SLC16A5: variants seen among roughly 807,000 people sequenced by gnomAD.
SLC16A5 encodes solute carrier family 16 member 5, also known as monocarboxylate transporter 6.
In SLC16A5, 29 loss-of-function variants were observed where a neutral mutation model predicts 33.2. That is an observed-to-expected ratio of 0.87 (90% CI 0.65 to 1.19). The LOEUF (loss-of-function observed/expected upper bound fraction) is 1.19, where lower values mean the gene tolerates loss of function less well. Ranked by LOEUF, SLC16A5 falls within the 50% of genes most tolerant of loss-of-function variation. The probability of loss-of-function intolerance (pLI) is 0.00; values close to 1 mark genes in which losing one functional copy is unlikely to be tolerated. For missense variants in SLC16A5, 606 were observed against 678.2 expected, an observed-to-expected ratio of 0.89 and a Z score of 1.18; for synonymous variants, 248 against 284.1, an observed-to-expected ratio of 0.87 and a Z score of 1.28.
intron 2 of SLC16A5, among the ~76,000 whole-genome samples, chr17:75,092,077 G>A (rs927514709): frequency 2.0e-5 from 3 of 151,702 alleles, no homozygotes; most frequent in Non-Finnish European, 4.4e-5. Context: ...GTGCATGTCT[G>A]CACTGTGTGT....
At chr17:75,108,961 T>C (rs1175531971), downstream of SLC16A5, among the ~76,000 whole-genome samples, 1 of 152,102 alleles carries the variant, frequency 6.6e-6, no homozygotes, top group Non-Finnish European at 1.5e-5. Context: ...GGTTTTTTTG[T>C]TCTGTTTTTT....
chr17:75,104,911 A>G, intron 6 of SLC16A5: 1 of 985,424 alleles, frequency 1.0e-6, no homozygotes, highest in Non-Finnish European at 1.2e-6. Flanking sequence ...CTGCTCCTAC[A>G]GCTCAATGCA....
intron 2 of SLC16A5, among the ~76,000 whole-genome samples, chr17:75,091,722 G>A (rs574393208): frequency 1.3e-5 from 2 of 152,370 alleles, no homozygotes; most frequent in South Asian, 2.1e-4. Flanking sequence ...AGGACCTGGG[G>A]TGAAAGGGAG....
chr17:75,095,690 C>T (rs1229368965), intron 3 of SLC16A5, among the ~76,000 whole-genome samples: 1 of 151,036 alleles, frequency 6.6e-6, no homozygotes, highest in East Asian at 1.9e-4. Flanking sequence ...GATGGAGTCT[C>T]GCTCTGTTGC....
At chr17:75,108,498 C>T (rs182736788), downstream of SLC16A5, among the ~76,000 whole-genome samples, 527 of 152,310 alleles carry the variant, frequency 3.5e-3, 1 homozygote, top group Middle Eastern at 0.017. Context: ...AATGGGGCTG[C>T]AGCTGGCTGG....
Position 75,087,970 on chromosome 17 carries a change from T to G in SLC16A5, c.-277T>G, listed in dbSNP as rs917790638. The G allele has an allele frequency of 6.6e-6, 1 of 152,086 alleles. No homozygotes were observed. 9.4% of individuals were successfully genotyped at this position (152,086 alleles called of 1,614,324 possible). A position where few individuals can be genotyped will look rare whatever the true frequency, so the allele number is the denominator to read the frequency against. On this transcript the variant is annotated 5_prime_UTR_variant, in exon 1 of 7. Coordinates refer to ENST00000329783, the MANE Select transcript of SLC16A5 (RefSeq NM_004695.4). Reference sequence around the variant, plus strand: ...GCTTGGCCCAGTCCCGCGGTCCTCGTCGCGACCGGCCCGGGCCGCAGGACG... The same window carrying G: ...GCTTGGCCCAGTCCCGCGGTCCTCGGCGCGACCGGCCCGGGCCGCAGGACG...
downstream of SLC16A5, among the ~76,000 whole-genome samples, chr17:75,107,089 T>C (rs1259443993): frequency 6.7e-6 from 1 of 150,044 alleles, no homozygotes; most frequent in Non-Finnish European, 1.5e-5. Context: ...GATGGGAGAA[T>C]CACTTGAGAG....
At chr17:75,104,419 T>C (rs1184964306) in intron 6 of SLC16A5, 5 of 982,898 alleles carry the variant, frequency 5.1e-6, no homozygotes, top group Non-Finnish European at 6.4e-6. Context: ...GAAACTCTTT[T>C]TTTTTTTTTT....
Position 75,093,574 on chromosome 17 carries a change from C to G in SLC16A5, c.-48-15C>G. 1 of 1,561,968 alleles carries G rather than the reference C, an allele frequency of 6.4e-7. No homozygotes were observed. Among genetic ancestry groups the G allele is most frequent in the Non-Finnish European group, 8.6e-7 (1 of 1,159,310 alleles). ...AGCCTGCTGACCACCAGGCTCCATT[C>G]TGTCCCCTCCCCAGGCAGCAGCCAC... On this transcript the variant is annotated splice_polypyrimidine_tract_variant and intron_variant, in intron 2 of 6. Transcript: ENST00000329783.
At chr17:75,098,692 T>TTTTGTTTG (rs56053066) in intron 4 of SLC16A5, among the ~76,000 whole-genome samples, 6 of 151,408 alleles carry the variant, frequency 4.0e-5, no homozygotes, top group Non-Finnish European at 5.9e-5. Flanking sequence ...GACAGGCTTT[T>TTTTGTTTG]TTTGTTTGTT....
intron 5 of SLC16A5, among the ~76,000 whole-genome samples, chr17:75,101,045 G>A (rs2073792217): frequency 6.6e-6 from 1 of 151,908 alleles, no homozygotes. Flanking sequence ...TCAGGAGATC[G>A]AGACCATCCT....
In SLC16A5 at chr17:75,104,032, A is replaced by T; in HGVS notation, c.1216A>T (p.Ile406Phe). The T allele has an allele frequency of 2.5e-6, 4 of 1,614,174 alleles. No homozygotes were observed. The highest frequency in any genetic ancestry group is 2.5e-6 in the Non-Finnish European group (3 of 1,180,034). Residue 406 changes from isoleucine (I) to phenylalanine (F), a missense_variant, in exon 6 of 7, where the codon ATC becomes TTC. Physicochemically the swap from Ile to Phe is conservative, Grantham distance 21 (BLOSUM62 0). Transcript: ENST00000329783. ...YVFYMSSFFL[I>F]SAALFMGGSF... The stretch of plus-strand genomic sequence containing the variant: ...TTTCTACATGTCCAGCTTCTTCCTC[A>T]TCTCAGCTGCCCTCTTCATGGGTGG...
chr17:75,109,960 CG>C, downstream of SLC16A5: 1 of 282,480 alleles, frequency 3.5e-6, no homozygotes, highest in African/African-American at 2.2e-5. This position sits in a 1 kb window ranked among gnomAD's most constrained non-coding sequence, Gnocchi z 5.0. Flanking sequence ...CGGCTTCCGC[CG>C]GGAGCCCGGA....
At chr17:75,090,553 C>T (rs529841657) in intron 2 of SLC16A5, among the ~76,000 whole-genome samples, 4 of 151,300 alleles carry the variant, frequency 2.6e-5, no homozygotes, top group Admixed American at 6.6e-5. Flanking sequence ...CTCCGCCTCC[C>T]GGGTTCAAGC....
rs774517667 is a variant in SLC16A5, at chr17:75,098,011, C to G, written c.200-27C>G. 1.9e-6 allele frequency: 3 copies of G among 1,570,242 alleles called. No homozygotes were observed. The African/African-American group carries it at 4.2e-5, about 22-fold the overall frequency. Reference sequence around the variant, plus strand: ...CTCCCGCCACCTCCTCATTCAGCTGCTACCTGCTGGCTGTCTTCTCCCACA... The same window carrying G: ...CTCCCGCCACCTCCTCATTCAGCTGGTACCTGCTGGCTGTCTTCTCCCACA... On this transcript the variant is annotated intron_variant, in intron 3 of 6. Coordinates refer to ENST00000329783, the MANE Select transcript of SLC16A5 (RefSeq NM_004695.4).
At chr17:75,100,985 A>G (rs1488447407) in intron 5 of SLC16A5, among the ~76,000 whole-genome samples, 169 bp downstream of exon 5, 1 of 152,186 alleles carries the variant, frequency 6.6e-6, no homozygotes, top group African/African-American at 2.4e-5. Context: ...GCGGTGGCTC[A>G]TGCCTGTAAT....
In SLC16A5 at chr17:75,100,779, G is replaced by A. The variant is rs745423916; in HGVS notation, c.1116G>A (p.Leu372=). ...GAGCCCTGGGACTCTTCACTGTCCT[G>A]GACGGCCTTGCTTTCCTCATCTCCC... ...FPRALGLFTV[L]DGLAFLISPP... is the part of the protein sequence containing the mutation. Residue 372 remains leucine (L), a synonymous_variant, in exon 5 of 7, where the codon CTG becomes CTA. Transcript: ENST00000329783. 1 of 1,609,394 alleles carries A rather than the reference G, an allele frequency of 6.2e-7. No homozygotes were observed. Among genetic ancestry groups the A allele is most frequent in the Non-Finnish European group, 8.5e-7 (1 of 1,176,954 alleles).
intron 5 of SLC16A5, among the ~76,000 whole-genome samples, chr17:75,101,236 G>A (rs11655361): frequency 0.19 from 27,839 of 145,048 alleles, 4,456 homozygotes; most frequent in African/African-American, 0.45. Context: ...GCAACAAAGC[G>A]AGACTCCGCC....
Position 75,093,409 on chromosome 17 carries a change from AAGG to A in SLC16A5, c.-48-177_-48-175del, listed in dbSNP as rs1472071944. On this transcript the variant is annotated intron_variant, in intron 2 of 6. Transcript: ENST00000329783. ...CAGGCTGGCTCTGGGAAGTGGGTGA[AAGG>A]AGATGCCAAGGCCAACGCGTGGGCC... 8 of 1,535,654 alleles carry A rather than the reference AAGG, an allele frequency of 5.2e-6. No individual in the cohort carries two copies. In the African/African-American group the frequency reaches 8.2e-5, roughly 16 times the overall value.
Sources: allele counts gnomAD v4.1 joint callset (sites outside exome capture counted in the v4.1 genomes callset), GRCh38; gene constraint gnomAD v4.1.1; non-coding constraint Gnocchi (gnomAD v3.1); transcripts MANE v1.5; gene names NCBI Gene and HGNC (gene_info 2026-07-23, HGNC 2026-07-21).